PRKACB: variants seen among roughly 807,000 people sequenced by gnomAD.
PRKACB encodes the protein protein kinase cAMP-activated catalytic subunit beta.
PRKACB carries 16 observed loss-of-function variants against 51.4 expected under a neutral mutation model. That is an observed-to-expected ratio of 0.31 (90% CI 0.21 to 0.47). PRKACB has a LOEUF of 0.47. Among genes scored for constraint, PRKACB ranks in the 20% least tolerant of loss-of-function variants. PRKACB has a pLI of 1.00. For synonymous variants in PRKACB, 147 were observed against 154.4 expected (o/e 0.95, Z 0.35); for missense variants, 309 against 464.5 (o/e 0.67, Z 3.08).
intron 9 of PRKACB, among the ~76,000 whole-genome samples, chr1:84,226,691 C>A (rs1008599613): frequency 1.3e-5 from 2 of 152,052 alleles, no homozygotes; most frequent in African/African-American, 4.8e-5. Context: ...TCAGTATTTA[C>A]ATCTCATTTC....
rs534787300 is a variant in PRKACB, at chr1:84,091,966, G to C, written c.46+13595G>C. Among the ~76,000 whole-genome samples the C allele has an allele frequency of 2.6e-5, 4 of 152,292 alleles. No homozygotes were observed. In the East Asian group the frequency reaches 7.7e-4, roughly 29 times the overall value. ...AACAGTGGGAGCCATAGTGGAGGTA[G>C]AGTGGGCAGAAGGAAACTTTTTTGG... On this transcript the variant is annotated intron_variant, in intron 1 of 8. Coordinates refer to the PRKACB transcript ENST00000370688.
At chr1:84,100,374 A>G (rs1005555696) in intron 1 of PRKACB, among the ~76,000 whole-genome samples, 1 of 152,142 alleles carries the variant, frequency 6.6e-6, no homozygotes, top group East Asian at 1.9e-4. Flanking sequence ...TATCAAATAT[A>G]TTTATATTCA....
chr1:84,228,561 G>C (rs1675031542), intron 9 of PRKACB, among the ~76,000 whole-genome samples: 1 of 151,082 alleles, frequency 6.6e-6, no homozygotes, highest in Admixed American at 6.6e-5. Context: ...AATGTATTCA[G>C]TACCCACATT....
At chr1:84,121,077 A>C (rs1444672407) in intron 1 of PRKACB, among the ~76,000 whole-genome samples, 1 of 152,066 alleles carries the variant, frequency 6.6e-6, no homozygotes, top group African/African-American at 2.4e-5. Flanking sequence ...ATTTTGTGTC[A>C]ATTGCCAAGA....
chr1:84,223,072 T>C (rs1457712118), intron 9 of PRKACB, among the ~76,000 whole-genome samples: 1 of 152,202 alleles, frequency 6.6e-6, no homozygotes, highest in Non-Finnish European at 1.5e-5. Flanking sequence ...AACTAGGAAG[T>C]TTTCAACTAT....
At chr1:84,090,910 C>T (rs1449238690) in intron 1 of PRKACB, among the ~76,000 whole-genome samples, 5 of 152,174 alleles carry the variant, frequency 3.3e-5, no homozygotes, top group Admixed American at 3.3e-4. Context: ...AGCCCAATCA[C>T]TCCACTATTA....
chr1:84,123,862 T>C (rs1466408908), intron 1 of PRKACB, among the ~76,000 whole-genome samples: 2 of 152,180 alleles, frequency 1.3e-5, no homozygotes, highest in East Asian at 3.8e-4. Context: ...CTAATATAAA[T>C]GGATTCCAAA....
chr1:84,177,178 AG>A (rs1320338717), intron 1 of PRKACB, among the ~76,000 whole-genome samples: 2 of 152,162 alleles, frequency 1.3e-5, no homozygotes, highest in South Asian at 2.1e-4. Flanking sequence ...TATAAATAAA[AG>A]ATAACTAAAA....
chr1:84,128,349 A>G (rs373216925), intron 1 of PRKACB, among the ~76,000 whole-genome samples: 176 of 152,210 alleles, frequency 1.2e-3, no homozygotes, highest in East Asian at 5.4e-3. Context: ...GAAGAACAAT[A>G]TTGTCTTGAT....
intron 3 of PRKACB, among the ~76,000 whole-genome samples, chr1:84,183,386 T>C (rs1664144761): frequency 6.6e-6 from 1 of 151,932 alleles, no homozygotes; most frequent in Non-Finnish European, 1.5e-5. Context: ...ATAGTTTTTG[T>C]TATAAAGATA....
intron 1 of PRKACB, among the ~76,000 whole-genome samples, chr1:84,175,338 AAGAT>A (rs1198223650): frequency 2.6e-5 from 4 of 151,796 alleles, no homozygotes; most frequent in African/African-American, 9.7e-5. Context: ...CAGTAAAAGA[AAGAT>A]AAATAAGTAG....
intron 1 of PRKACB, among the ~76,000 whole-genome samples, chr1:84,104,628 A>G (rs1320493238): frequency 6.6e-6 from 1 of 152,098 alleles, no homozygotes; most frequent in Non-Finnish European, 1.5e-5. Context: ...TCTGCATCCA[A>G]AAAGACTATT....
At chr1:84,201,824 C>A (rs1392390632) in intron 7 of PRKACB, among the ~76,000 whole-genome samples, 5 of 151,776 alleles carry the variant, frequency 3.3e-5, no homozygotes, top group Non-Finnish European at 7.4e-5. Context: ...TTGATACTGA[C>A]CATAGTTAAT....
chr1:84,162,313 C>T (rs1337213372), intron 1 of PRKACB, among the ~76,000 whole-genome samples: 1 of 151,958 alleles, frequency 6.6e-6, no homozygotes, highest in Non-Finnish European at 1.5e-5. Context: ...CTTCTTGGAT[C>T]CATAGGTTAC....
chr1:84,168,269 CT>C (rs1658186174), intron 1 of PRKACB, among the ~76,000 whole-genome samples: 1 of 151,516 alleles, frequency 6.6e-6, no homozygotes, highest in Admixed American at 6.6e-5. Context: ...CACATGACGT[CT>C]TTACTTTTTT....
At chr1:84,224,432 A>G (rs990753915) in intron 9 of PRKACB, among the ~76,000 whole-genome samples, 2 of 152,180 alleles carry the variant, frequency 1.3e-5, no homozygotes, top group Non-Finnish European at 2.9e-5. Context: ...CCCAGGCAGT[A>G]CACACTGCTG....
At chr1:84,170,548 A>G (rs905299301) in intron 1 of PRKACB, among the ~76,000 whole-genome samples, 3 of 151,668 alleles carry the variant, frequency 2.0e-5, no homozygotes, top group African/African-American at 7.2e-5. Context: ...CATATACTCT[A>G]CACCAGCTAA....
intron 5 of PRKACB, among the ~76,000 whole-genome samples, chr1:84,196,184 T>A (rs1668191914): frequency 6.6e-6 from 1 of 152,168 alleles, no homozygotes; most frequent in Non-Finnish European, 1.5e-5. Flanking sequence ...CTAAAGAGCT[T>A]CTACATAGGG....
At chr1:84,206,050 G>A (rs764553850) in intron 8 of PRKACB, among the ~76,000 whole-genome samples, 6 of 152,058 alleles carry the variant, frequency 3.9e-5, no homozygotes, top group African/African-American at 1.4e-4. Flanking sequence ...GTTACCCATG[G>A]AAATATAGAA....
Sources: gnomAD v4.1 joint callset for allele counts (sites outside exome capture counted in the v4.1 genomes callset) on GRCh38, gnomAD v4.1.1 for gene constraint, MANE v1.5 for transcripts, NCBI Gene and HGNC (gene_info 2026-07-23, HGNC 2026-07-21) for gene names.